NPAS3: variants seen among roughly 807,000 people sequenced by gnomAD.
NPAS3 encodes neuronal PAS domain-containing protein 3.
Under a neutral mutation model 73.1 loss-of-function variants are expected in NPAS3, and 14 were observed. The observed-to-expected ratio is 0.19, with a 90% CI of 0.13 to 0.30. The LOEUF is 0.30. Among genes scored for constraint, NPAS3 ranks in the 10% least tolerant of loss-of-function variants. NPAS3 has a pLI of 1.00. For synonymous variants in NPAS3, 620 were observed against 541.5 expected (o/e 1.14, Z -2.01); for missense variants, 1,096 against 1,250.0 (o/e 0.88, Z 1.86).
chr14:33,776,644 G>T (rs2062830178), intron 8 of NPAS3, among the ~76,000 whole-genome samples: 1 of 141,202 alleles, frequency 7.1e-6, no homozygotes, highest in South Asian at 2.4e-4. Flanking sequence ...AAAAATACCT[G>T]TATGAAAGGT....
intron 4 of NPAS3, among the ~76,000 whole-genome samples, chr14:33,538,136 T>C (rs113779367): frequency 2.6e-5 from 4 of 152,202 alleles, no homozygotes; most frequent in African/African-American, 9.7e-5. Flanking sequence ...TATTGTTATG[T>C]ATGTAGGTAC....
intron 6 of NPAS3, among the ~76,000 whole-genome samples, chr14:33,701,778 A>G (rs1483904979): frequency 6.6e-6 from 1 of 152,184 alleles, no homozygotes; most frequent in Non-Finnish European, 1.5e-5. Context: ...CAGTGTTCGT[A>G]CTGAATCAGT....
rs1453664298 is a variant in NPAS3 at position 33,055,878 on chromosome 14, GTCTA to G, written c.51-23_51-20del. The stretch of plus-strand genomic sequence containing the variant: ...TTGACTGTAGAGAATCTCTAGTCAT[GTCTA>G]TCTGTTTTTGATGCCTCTACAGAAT... On this transcript the variant is annotated intron_variant, in intron 1 of 11. Coordinates refer to ENST00000356141, the Ensembl canonical transcript of NPAS3. 1.4e-5 allele frequency: 11 copies of G among 784,200 alleles called. 1 individual carries two copies. The highest frequency in any genetic ancestry group is 1.2e-4 in the South Asian group (8 of 68,832). The allele number at this position is 784,200 out of a possible 1,614,324, so 48.6% of individuals were successfully genotyped here.
chr14:33,645,927 G>T (rs1467820369), intron 5 of NPAS3, among the ~76,000 whole-genome samples: 1 of 152,226 alleles, frequency 6.6e-6, no homozygotes, highest in Non-Finnish European at 1.5e-5. Context: ...CACCATGGGA[G>T]CTGGAAGCAC....
At chr14:33,510,131 G>A (rs777516523) in intron 4 of NPAS3, among the ~76,000 whole-genome samples, 8 of 152,062 alleles carry the variant, frequency 5.3e-5, no homozygotes, top group Non-Finnish European at 1.0e-4. Context: ...GGAGCAGTGC[G>A]ATGTGGTGTG....
In NPAS3 at chr14:33,486,322, T is replaced by A. The variant is rs1313144588; in HGVS notation, c.469-73799T>A. On this transcript the variant is annotated intron_variant, in intron 4 of 11. Coordinates refer to ENST00000356141, the Ensembl canonical transcript of NPAS3. ...CTTTCTCCCGGCGTCCTCATCTGTC[T>A]TGATTTTCCTTCAGCTTTTCTCAGC... Among the ~76,000 whole-genome samples the A allele has an allele frequency of 3.3e-5, 5 of 152,168 alleles. No homozygotes were observed. In the East Asian group the frequency reaches 9.6e-4, roughly 29 times the overall value.
At chr14:33,488,407 C>T (rs559256301) in intron 4 of NPAS3, among the ~76,000 whole-genome samples, 5 of 152,042 alleles carry the variant, frequency 3.3e-5, no homozygotes, top group Admixed American at 6.6e-5. Context: ...TACGCAGCCC[C>T]GTGCACAGAC....
At chr14:33,654,036 G>A (rs1320118757) in intron 5 of NPAS3, among the ~76,000 whole-genome samples, 1 of 152,170 alleles carries the variant, frequency 6.6e-6, no homozygotes, top group Non-Finnish European at 1.5e-5. Context: ...ACAGCCAGCA[G>A]TGAGTAAATT....
chr14:33,388,747 T>C (rs1307185805), intron 4 of NPAS3, among the ~76,000 whole-genome samples: 1 of 152,148 alleles, frequency 6.6e-6, no homozygotes, highest in Non-Finnish European at 1.5e-5. Flanking sequence ...TATTCAAATT[T>C]ACAGAGATAG....
At chr14:33,645,081 C>CAAA (rs33988299) in intron 5 of NPAS3, among the ~76,000 whole-genome samples, 1 of 106,526 alleles carries the variant, frequency 9.4e-6, no homozygotes. Flanking sequence ...AACTCCATCT[C>CAAA]AAAAAAAAAA....
At chr14:33,277,329 T>C (rs575351988) in intron 3 of NPAS3, among the ~76,000 whole-genome samples, 8 of 152,296 alleles carry the variant, frequency 5.3e-5, no homozygotes, top group Admixed American at 4.6e-4. Context: ...GGCTACCATA[T>C]GCAGTTCACT....
chr14:33,699,352 G>A (rs2140442775), intron 6 of NPAS3, among the ~76,000 whole-genome samples: 1 of 152,074 alleles, frequency 6.6e-6, no homozygotes, highest in South Asian at 2.1e-4. Context: ...AAACAACCCT[G>A]CTAAATTGTA....
intron 9 of NPAS3, among the ~76,000 whole-genome samples, chr14:33,782,651 GA>G (rs1205353330): frequency 6.6e-6 from 1 of 152,058 alleles, no homozygotes; most frequent in Non-Finnish European, 1.5e-5. Flanking sequence ...CAGAGAAAAG[GA>G]GCCAGAGACT....
chr14:33,304,794 T>C (rs2042693596), intron 3 of NPAS3, among the ~76,000 whole-genome samples: 1 of 152,130 alleles, frequency 6.6e-6, no homozygotes, highest in Admixed American at 6.5e-5. Flanking sequence ...AAAAACACCT[T>C]CCTATTTTTG....
At chr14:33,778,074 C>G (rs2296623) in intron 8 of NPAS3, among the ~76,000 whole-genome samples, 2,644 of 152,302 alleles carry the variant, frequency 0.017, 32 homozygotes, top group Non-Finnish European at 0.025. Context: ...AAAGGTGTCT[C>G]TAATCATTTG....
intron 6 of NPAS3, among the ~76,000 whole-genome samples, chr14:33,699,566 A>G (rs1265114157): frequency 6.6e-6 from 1 of 152,204 alleles, no homozygotes; most frequent in East Asian, 1.9e-4. Flanking sequence ...AACCTCTGGC[A>G]ACAAATAGTA....
At chr14:32,945,488 T>C (rs543442727) in intron 1 of NPAS3, among the ~76,000 whole-genome samples, 1 of 152,318 alleles carries the variant, frequency 6.6e-6, no homozygotes, top group South Asian at 2.1e-4. Flanking sequence ...TCCCCATTTA[T>C]GCATGAGAAA....
At chr14:33,133,467 T>A (rs533903056) in intron 2 of NPAS3, among the ~76,000 whole-genome samples, 129 of 152,350 alleles carry the variant, frequency 8.5e-4, no homozygotes, top group Middle Eastern at 6.8e-3. Context: ...GTCATAAGTG[T>A]GTAAGAAGGC....
At chr14:33,753,447 G>A (rs577584975) in intron 7 of NPAS3, among the ~76,000 whole-genome samples, 31 of 151,782 alleles carry the variant, frequency 2.0e-4, no homozygotes, top group African/African-American at 6.1e-4. Context: ...GCATTTGTGC[G>A]GCAGGGCATT....
Sources: allele counts gnomAD v4.1 joint callset (sites outside exome capture counted in the v4.1 genomes callset), GRCh38; gene constraint gnomAD v4.1.1; transcripts MANE v1.5; gene names NCBI Gene and HGNC (gene_info 2026-07-23, HGNC 2026-07-21).